KRT80: variants seen among roughly 807,000 people sequenced by gnomAD.
KRT80 encodes keratin, type II cytoskeletal 80.
In KRT80, 36 loss-of-function variants were observed where a neutral mutation model predicts 51.5. The observed-to-expected ratio is 0.70, with a 90% CI of 0.54 to 0.92. The LOEUF (loss-of-function observed/expected upper bound fraction) is 0.92, where lower values mean the gene tolerates loss of function less well. KRT80 is among the 40% of genes least tolerant of loss of function. The probability of loss-of-function intolerance (pLI) is 0.00; values close to 1 mark genes in which losing one functional copy is unlikely to be tolerated. For synonymous variants in KRT80, 235 were observed against 248.3 expected (o/e 0.95, Z 0.50); for missense variants, 566 against 591.7 (o/e 0.96, Z 0.45).
At chr12:52,191,411 T>G (rs1030390075) in intron 1 of KRT80, among the ~76,000 whole-genome samples, 192 bp downstream of exon 1, 1 of 152,186 alleles carries the variant, frequency 6.6e-6, no homozygotes, top group Admixed American at 6.5e-5. Flanking sequence ...TCTCCCCACA[T>G]GCCAGGATGG....
rs182202201 is a variant in KRT80 at position 52,186,486 on chromosome 12, G to C, written c.301-899C>G. Among the ~76,000 whole-genome samples the C allele has an allele frequency of 1.5e-3, 224 of 152,244 alleles. 2 individuals carry two copies. Among genetic ancestry groups the C allele is most frequent in the Non-Finnish European group, 7.3e-4 (50 of 68,028 alleles). ...ATGCTTGACCCATGAAATCCCTGCAGCACCCCCATGGGTGGGTACTATTAT... is the reference window on the plus strand; with the variant it reads ...ATGCTTGACCCATGAAATCCCTGCACCACCCCCATGGGTGGGTACTATTAT... On this transcript the variant is annotated intron_variant, in intron 1 of 8. Transcript: ENST00000394815.
chr12:52,178,350 C>T (rs1293694589), intron 4 of KRT80, among the ~76,000 whole-genome samples: 1 of 152,200 alleles, frequency 6.6e-6, no homozygotes, highest in Non-Finnish European at 1.5e-5. Flanking sequence ...CACTCTCTGA[C>T]CCAAAGCTCC....
intron 2 of KRT80, among the ~76,000 whole-genome samples, chr12:52,184,610 A>AC: frequency 6.6e-6 from 1 of 152,356 alleles, no homozygotes; most frequent in East Asian, 1.9e-4. Flanking sequence ...TTCCCGTTTC[A>AC]CACAGGAAGA....
At chr12:52,185,012 A>G (rs1941380864) in intron 2 of KRT80, among the ~76,000 whole-genome samples, 1 of 152,180 alleles carries the variant, frequency 6.6e-6, no homozygotes, top group South Asian at 2.1e-4. Context: ...GTAATTTCCC[A>G]TTGCCAGAGC....
rs1848627184 is a variant in KRT80 at position 52,185,566 on chromosome 12, T to C, written c.322A>G (p.Asn108Asp). The C allele has an allele frequency of 6.2e-7, 1 of 1,610,210 alleles. No homozygotes were observed. Among genetic ancestry groups the C allele is most frequent in the Admixed American group, 1.7e-5 (1 of 60,006 alleles). The change falls in exon 2 of 9, where the codon AAC becomes GAC. Residue 108 changes from asparagine (N) to aspartate (D), a missense_variant. Coordinates refer to ENST00000394815, the MANE Select transcript of KRT80 (RefSeq NM_182507.3). ...IGKVQALEQRNQLLETRWSFL... is the reference protein window; with the variant it reads ...IGKVQALEQRDQLLETRWSFL... ...CTCCAGCGTGTCTCCAGCAGCTGGT[T>C]GCGCTGTTCCAGGGCTTGCACCTGG...
At chr12:52,180,673 TG>T in intron 3 of KRT80, 65 bp from the exon 4 acceptor site, 1 of 1,576,122 alleles carries the variant, frequency 6.3e-7, no homozygotes, top group South Asian at 1.2e-5. Context: ...AGGAGTGGGC[TG>T]GGGGGCTGCC....
intron 4 of KRT80, among the ~76,000 whole-genome samples, chr12:52,177,106 T>C (rs1941238971): frequency 1.3e-5 from 2 of 152,238 alleles, no homozygotes; most frequent in South Asian, 4.1e-4. Flanking sequence ...CTGTGCTCTC[T>C]TAATCATTAT....
intron 6 of KRT80, 117 bp from the exon 7 acceptor site, chr12:52,172,535 A>G: frequency 2.3e-6 from 2 of 888,546 alleles, no homozygotes; most frequent in Non-Finnish European, 3.4e-6. Context: ...GGGCTGAGCA[A>G]TGGCATTTCT....
chr12:52,190,476 GC>G (rs1396949045), intron 1 of KRT80, among the ~76,000 whole-genome samples: 1 of 152,214 alleles, frequency 6.6e-6, no homozygotes, highest in Non-Finnish European at 1.5e-5. Context: ...TCTTCCCTCT[GC>G]CCCTCTCTGT....
At chr12:52,171,628 A>G in intron 8 of KRT80, 30 bp downstream of exon 8, 2 of 1,582,378 alleles carry the variant, frequency 1.3e-6, no homozygotes, top group South Asian at 2.3e-5. Flanking sequence ...CCCTCACCCC[A>G]CCATGGGTTC....
Position 52,191,587 on chromosome 12 carries a change from C to T in KRT80, c.300+16G>A. 6.4e-7 allele frequency: 1 copy of T among 1,561,862 alleles called. No homozygotes were observed. Among genetic ancestry groups the T allele is most frequent in the Non-Finnish European group, 8.7e-7 (1 of 1,150,450 alleles). On this transcript the variant is annotated intron_variant, in intron 1 of 8. Transcript: ENST00000394815. ...CTGGCAGCCCTTCATGTTTGGGACCCCCTACTTGTGCTCACCTTGCCAATT... is the reference window on the plus strand; with the variant it reads ...CTGGCAGCCCTTCATGTTTGGGACCTCCTACTTGTGCTCACCTTGCCAATT...
At chr12:52,172,972 A>G (rs1022605553) in intron 6 of KRT80, 66 bp downstream of exon 6, 1 of 1,537,862 alleles carries the variant, frequency 6.5e-7, no homozygotes. Flanking sequence ...GCCTGTATTC[A>G]GCACACATGA....
At position 52,180,711 on chromosome 12, in the gene KRT80, AGAG is replaced by A. The variant is rs753541509; in HGVS notation, c.571-106_571-104del. 1.9e-6 allele frequency: 3 copies of A among 1,604,366 alleles called. No individual in the cohort carries two copies. The East Asian group carries it at 6.7e-5, about 36-fold the overall frequency. ...CCTGGGTGAGAGTGGGGGTGATTCC[AGAG>A]GAGATCTGGCTCAGAGCCTCGAAAA... On this transcript the variant is annotated intron_variant, in intron 3 of 8. Transcript: ENST00000394815.
chr12:52,173,367 G>A (rs1290270435), intron 5 of KRT80, among the ~76,000 whole-genome samples: 2 of 152,142 alleles, frequency 1.3e-5, no homozygotes, highest in Admixed American at 1.3e-4. Context: ...CATGGGCCAT[G>A]CCCACATCTG....
chr12:52,173,972 C>T (rs1033739928), intron 4 of KRT80, among the ~76,000 whole-genome samples: 1 of 152,232 alleles, frequency 6.6e-6, no homozygotes, highest in African/African-American at 2.4e-5. Context: ...CACTGCTCAC[C>T]CACCCACAGT....
chr12:52,190,918 G>A (rs761177233), intron 1 of KRT80, among the ~76,000 whole-genome samples: 1 of 152,142 alleles, frequency 6.6e-6, no homozygotes, highest in Non-Finnish European at 1.5e-5. Flanking sequence ...GCCATGGGTA[G>A]TGGAGTCTAG....
chr12:52,180,690 G>A, intron 3 of KRT80, 82 bp from the exon 4 acceptor site: 1 of 1,588,978 alleles, frequency 6.3e-7, no homozygotes, highest in South Asian at 1.2e-5. Context: ...CTGCCTCCTG[G>A]GTGAGAGTGG....
At position 52,171,378 on chromosome 12, in the gene KRT80, G is replaced by A. The variant is rs747311502; in HGVS notation, c.*20C>T. On this transcript the variant is annotated 3_prime_UTR_variant, in exon 9 of 9. Coordinates refer to ENST00000394815, the MANE Select transcript of KRT80 (RefSeq NM_182507.3). The stretch of plus-strand genomic sequence containing the variant: ...TCCTGCTGCAGTGGAGTGCCCTGGG[G>A]TTCCTGGGGTCCAGCCGCCTTACTC... The A allele has an allele frequency of 1.9e-6, 3 of 1,561,830 alleles. No homozygotes were observed. The South Asian group carries it at 3.7e-5, about 19-fold the overall frequency.
chr12:52,176,575 G>A (rs1013570768), intron 4 of KRT80, among the ~76,000 whole-genome samples: 36 of 151,522 alleles, frequency 2.4e-4, no homozygotes, highest in African/African-American at 5.6e-4. Flanking sequence ...TCTGCCTCCC[G>A]GGTTCAAGCA....
Sources: gnomAD v4.1 joint callset for allele counts (sites outside exome capture counted in the v4.1 genomes callset) on GRCh38, gnomAD v4.1.1 for gene constraint, MANE v1.5 for transcripts, NCBI Gene and HGNC (gene_info 2026-07-23, HGNC 2026-07-21) for gene names.